ZNRF1: variants seen among roughly 807,000 people sequenced by gnomAD.
ZNRF1 encodes the protein E3 ubiquitin-protein ligase ZNRF1.
ZNRF1 carries 3 observed loss-of-function variants against 18.4 expected under a neutral mutation model. That is an observed-to-expected ratio of 0.16 (90% confidence interval 0.07 to 0.42). ZNRF1 has a LOEUF of 0.42. Ranked by LOEUF, ZNRF1 falls within the 10% of genes least tolerant of loss-of-function variation. ZNRF1 has a pLI of 0.99. For synonymous variants in ZNRF1, 157 were observed against 144.2 expected (o/e 1.09, Z -0.64); for missense variants, 310 against 329.8 (o/e 0.94, Z 0.47).
chr16:75,101,673 A>T (rs568643421), intron 2 of ZNRF1, among the ~76,000 whole-genome samples: 1 of 152,216 alleles, frequency 6.6e-6, no homozygotes, highest in Non-Finnish European at 1.5e-5. Context: ...GTAAAATGCA[A>T]ACACCAGTAT....
At chr16:75,046,374 C>A (rs998502008) in intron 1 of ZNRF1, among the ~76,000 whole-genome samples, 1 of 151,806 alleles carries the variant, frequency 6.6e-6, no homozygotes, top group Non-Finnish European at 1.5e-5. Context: ...ACCTCAGCCT[C>A]CCAAGTAGCT....
intron 1 of ZNRF1, among the ~76,000 whole-genome samples, chr16:75,039,861 T>C (rs1296840774): frequency 2.0e-5 from 3 of 152,188 alleles, no homozygotes; most frequent in African/African-American, 7.2e-5. Flanking sequence ...AGATTTTCAC[T>C]GTATATAGGA....
chr16:75,103,739 C>T (rs2036279196), intron 2 of ZNRF1, among the ~76,000 whole-genome samples: 1 of 152,198 alleles, frequency 6.6e-6, no homozygotes. Flanking sequence ...GTAATCCCAG[C>T]ACTTTGGGAG....
intron 3 of ZNRF1, 44 bp from the exon 4 acceptor site, chr16:75,106,437 TG>T: frequency 6.2e-7 from 1 of 1,611,696 alleles, no homozygotes; most frequent in Non-Finnish European, 8.5e-7. Flanking sequence ...CAAAGCAGCC[TG>T]GGCAGCAGGT....
intron 1 of ZNRF1, among the ~76,000 whole-genome samples, chr16:75,079,246 C>G (rs574951606): frequency 4.6e-5 from 7 of 152,312 alleles, no homozygotes; most frequent in Admixed American, 3.9e-4. Context: ...CTTTGGTAGG[C>G]TGAGGCGGGC....
chr16:75,002,705 T>G (rs1645093924), intron 1 of ZNRF1, among the ~76,000 whole-genome samples: 1 of 152,212 alleles, frequency 6.6e-6, no homozygotes, highest in Non-Finnish European at 1.5e-5. Context: ...TTAAAATAGT[T>G]GTGGTCACCC....
In ZNRF1 at chr16:75,106,271, G is replaced by T. The variant is rs529364274; in HGVS notation, c.627-211G>T. On this transcript the variant is annotated intron_variant, in intron 3 of 4. Transcript: ENST00000335325. ...CAGATCCCCCTGAGCCGGTACTGCTGCCTCCACCTGGGCCAAGACTAGTCT... is the reference window on the plus strand; with the variant it reads ...CAGATCCCCCTGAGCCGGTACTGCTTCCTCCACCTGGGCCAAGACTAGTCT... The T allele has an allele frequency of 1.4e-4, 82 of 576,076 alleles. No homozygotes were observed. The South Asian group carries it at 1.6e-3, about 11-fold the overall frequency. 35.7% of individuals were successfully genotyped at this position (576,076 alleles called of 1,614,324 possible). A position where few individuals can be genotyped will look rare whatever the true frequency, so the allele number is the denominator to read the frequency against.
intron 2 of ZNRF1, among the ~76,000 whole-genome samples, chr16:75,096,076 G>GTT (rs2036196610): frequency 6.9e-6 from 1 of 144,318 alleles, no homozygotes; most frequent in East Asian, 1.9e-4. Flanking sequence ...GTGTGTGTGT[G>GTT]TGTGTGTGTG....
chr16:75,016,429 A>G (rs1330919337), intron 1 of ZNRF1, among the ~76,000 whole-genome samples: 4 of 150,956 alleles, frequency 2.6e-5, no homozygotes, highest in Non-Finnish European at 5.9e-5. Context: ...TAGTAGAGAC[A>G]TGGTCTCACC....
Position 74,999,976 on chromosome 16 carries a change from G to C in ZNRF1, c.305G>C (p.Gly102Ala). 1 of 1,583,954 alleles carries C rather than the reference G, an allele frequency of 6.3e-7. No homozygotes were observed. ...GACTCCACCTATGCCCATGGCAATGGTTACCAGGAGACGGGCGGCGGTCAC... is the reference window on the plus strand; with the variant it reads ...GACTCCACCTATGCCCATGGCAATGCTTACCAGGAGACGGGCGGCGGTCAC... ...ASDSTYAHGNGYQETGGGHHR... is the reference protein window; with the variant it reads ...ASDSTYAHGNAYQETGGGHHR... The change falls in exon 1 of 5, where the codon GGT becomes GCT. Residue 102 changes from glycine (G) to alanine (A), a missense_variant. Around this residue, in one of 2 missense-constraint regions of ZNRF1, gnomAD observed 293 missense variants for 291.2 expected, o/e 1.01. Transcript: ENST00000335325.
Position 75,109,595 on chromosome 16 carries a change from G to T in ZNRF1, c.*1895G>T, listed in dbSNP as rs1378556998. On this transcript the variant is annotated 3_prime_UTR_variant, in exon 5 of 5. Coordinates refer to ENST00000335325, the MANE Select transcript of ZNRF1 (RefSeq NM_032268.5). Reference sequence around the variant, plus strand: ...GTTCAGAGCCTGGGTCTCAGCGCGGGACCCGTCTGGGGTGAAGACCTTGGG... The same window carrying T: ...GTTCAGAGCCTGGGTCTCAGCGCGGTACCCGTCTGGGGTGAAGACCTTGGG... The T allele has an allele frequency of 6.5e-6, 1 of 152,808 alleles. No individual in the cohort carries two copies. Among genetic ancestry groups the T allele is most frequent in the African/African-American group, 2.4e-5 (1 of 41,476 alleles). The allele number at this position is 152,808 out of a possible 1,614,324, so 9.5% of individuals were successfully genotyped here. A position where few individuals can be genotyped will look rare whatever the true frequency, so the allele number is the denominator to read the frequency against.
rs912524736 is a variant in ZNRF1, at chr16:75,068,363, C to T, written c.425-25209C>T. Among the ~76,000 whole-genome samples the T allele has an allele frequency of 5.9e-5, 9 of 152,020 alleles. No individual in the cohort carries two copies. The East Asian group carries it at 1.4e-3, about 23-fold the overall frequency. On this transcript the variant is annotated intron_variant, in intron 1 of 4. Transcript: ENST00000335325. ...TGGTTGACAGAGCAAGACCCTGTCT[C>T]AAAAAAATCATGAACCAGTTAACCC...
chr16:75,047,452 C>T (rs748970302), intron 1 of ZNRF1, among the ~76,000 whole-genome samples: 1 of 152,240 alleles, frequency 6.6e-6, no homozygotes, highest in Non-Finnish European at 1.5e-5. Flanking sequence ...GAGCTTGTGC[C>T]TGGCTCAATT....
chr16:75,082,121 A>AG (rs2036019615), intron 1 of ZNRF1, among the ~76,000 whole-genome samples: 1 of 152,014 alleles, frequency 6.6e-6, no homozygotes, highest in African/African-American at 2.4e-5. Context: ...ACTTAAAGCA[A>AG]TCCTCCTGCC....
chr16:75,018,298 T>C (rs546045387), intron 1 of ZNRF1, among the ~76,000 whole-genome samples: 18 of 152,374 alleles, frequency 1.2e-4, no homozygotes, highest in African/African-American at 2.9e-4. Flanking sequence ...TTTCTTGTTA[T>C]GCTCTTGTAG....
At chr16:75,063,591 A>T (rs1249901700) in intron 1 of ZNRF1, among the ~76,000 whole-genome samples, 1 of 152,204 alleles carries the variant, frequency 6.6e-6, no homozygotes, top group Non-Finnish European at 1.5e-5. Context: ...ATCTACTCTT[A>T]AAAGTATTTG....
chr16:75,075,522 C>T lies in ZNRF1; in HGVS notation c.425-18050C>T, dbSNP rs373122259. Reference sequence around the variant, plus strand: ...AGGTAGCCTCTGCTGGGAATGGACTCAGACAGCAGGCTGACTGCCCTTAAT... The same window carrying T: ...AGGTAGCCTCTGCTGGGAATGGACTTAGACAGCAGGCTGACTGCCCTTAAT... On this transcript the variant is annotated intron_variant, in intron 1 of 4. Transcript: ENST00000335325. Among the ~76,000 whole-genome samples, 20 of 152,364 alleles carry T rather than the reference C, an allele frequency of 1.3e-4. 2 individuals carry two copies. The highest frequency in any genetic ancestry group is 1.0e-3 in the South Asian group (5 of 4,832).
intron 1 of ZNRF1, among the ~76,000 whole-genome samples, chr16:75,058,281 G>A (rs1450218982): frequency 6.6e-6 from 1 of 151,980 alleles, no homozygotes; most frequent in Admixed American, 6.6e-5. Flanking sequence ...CTTTCTGTGC[G>A]GGAGCGTTTA....
intron 1 of ZNRF1, among the ~76,000 whole-genome samples, chr16:75,050,479 T>C (rs1017610138): frequency 3.3e-5 from 5 of 152,074 alleles, no homozygotes; most frequent in Admixed American, 1.3e-4. Flanking sequence ...TAAGCTGAGA[T>C]TGTGCCACTG....
Sources: gnomAD v4.1 joint callset for allele counts (sites outside exome capture counted in the v4.1 genomes callset) on GRCh38, gnomAD v4.1.1 for gene constraint, gnomAD v4.1.1 regional missense constraint, MANE v1.5 for transcripts, NCBI Gene and HGNC (gene_info 2026-07-23, HGNC 2026-07-21) for gene names.